CELF4: variants seen among roughly 807,000 people sequenced by gnomAD.
CELF4 encodes the protein CUG-BP- and ETR-3-like factor 4.
CELF4 carries 18 observed loss-of-function variants against 59.9 expected under a neutral mutation model. That is an observed-to-expected ratio of 0.30 (90% CI 0.21 to 0.45). The LOEUF (loss-of-function observed/expected upper bound fraction) is 0.45. Among genes scored for constraint, CELF4 ranks in the 20% least tolerant of loss-of-function variants. The pLI, the probability that CELF4 is intolerant of heterozygous loss-of-function variation, is 1.00. For missense variants in CELF4, 456 were observed against 689.0 expected, an observed-to-expected ratio of 0.66 and a Z score of 3.79; for synonymous variants, 261 against 267.1, an observed-to-expected ratio of 0.98 and a Z score of 0.22.
At chr18:37,423,285 G>A (rs2099591718) in intron 2 of CELF4, among the ~76,000 whole-genome samples, 1 of 152,194 alleles carries the variant, frequency 6.6e-6, no homozygotes, top group African/African-American at 2.4e-5. Context: ...GGCTGCCAGG[G>A]TCTTTCTCAT....
At chr18:37,303,759 T>C (rs2096229483) in intron 3 of CELF4, among the ~76,000 whole-genome samples, 2 of 152,162 alleles carry the variant, frequency 1.3e-5, no homozygotes, top group African/African-American at 4.8e-5. Context: ...CTTTGGGGGA[T>C]TCACAGGACC....
intron 2 of CELF4, among the ~76,000 whole-genome samples, chr18:37,439,867 G>A (rs901712647): frequency 1.2e-4 from 18 of 152,184 alleles, no homozygotes; most frequent in African/African-American, 3.9e-4. Flanking sequence ...ATTTATATGT[G>A]TATTAAATGA....
At chr18:37,292,028 A>G (rs1603206561) in intron 3 of CELF4, among the ~76,000 whole-genome samples, 1 of 107,570 alleles carries the variant, frequency 9.3e-6, no homozygotes, top group Admixed American at 9.5e-5. Context: ...TGAGATTAGC[A>G]CCCTTATAAA....
intron 2 of CELF4, among the ~76,000 whole-genome samples, chr18:37,350,366 A>G (rs2098414028): frequency 6.6e-6 from 1 of 152,208 alleles, no homozygotes; most frequent in African/African-American, 2.4e-5. Context: ...TTTCTGAGTA[A>G]TAGACCACGC....
At chr18:37,553,290 T>C (rs7235168) in intron 1 of CELF4, among the ~76,000 whole-genome samples, 128,448 of 152,138 alleles carry the variant, frequency 0.84, 57,492 homozygotes, top group Non-Finnish European at 0.98. Context: ...GTTGCTCTAC[T>C]GGGGCCTCAG....
chr18:37,261,511 G>A (rs2074449030), intron 10 of CELF4, among the ~76,000 whole-genome samples: 1 of 152,212 alleles, frequency 6.6e-6, no homozygotes, highest in Non-Finnish European at 1.5e-5. Flanking sequence ...AGCAGCTCTA[G>A]TCCCTTCCCC....
intron 2 of CELF4, among the ~76,000 whole-genome samples, chr18:37,470,887 T>TGTGTGTGAGA (rs1325788685): frequency 4.2e-5 from 3 of 71,926 alleles, no homozygotes; most frequent in South Asian, 5.9e-4. Flanking sequence ...TGTGTGTGTG[T>TGTGTGTGAGA]GACAGAGAGA....
intron 1 of CELF4, among the ~76,000 whole-genome samples, chr18:37,497,302 C>A (rs575324165): frequency 1.3e-5 from 2 of 152,160 alleles, no homozygotes; most frequent in East Asian, 3.9e-4. Context: ...TCATTCATTT[C>A]GCAACCATTT....
chr18:37,485,640 G>T, intron 1 of CELF4, 33 bp from the exon 2 acceptor site: 2 of 1,352,752 alleles, frequency 1.5e-6, no homozygotes, highest in Non-Finnish European at 1.9e-6. Flanking sequence ...AGAAGGGTCA[G>T]TGGGGCGCCC....
chr18:37,311,716 G>A (rs1324590928), intron 3 of CELF4, among the ~76,000 whole-genome samples: 6 of 151,304 alleles, frequency 4.0e-5, no homozygotes, highest in African/African-American at 9.7e-5. Flanking sequence ...TTGAACCCGG[G>A]AGGCGGAGGT....
intron 2 of CELF4, among the ~76,000 whole-genome samples, chr18:37,470,868 GTGTGTGTGTGT>G (rs2099819362): frequency 8.0e-6 from 1 of 125,584 alleles, no homozygotes; most frequent in African/African-American, 3.1e-5. Context: ...GTGTGTGTGT[GTGTGTGTGTGT>G]GTGTGTGTGA....
chr18:37,462,063 A>G (rs371620045), intron 2 of CELF4, among the ~76,000 whole-genome samples: 2 of 152,156 alleles, frequency 1.3e-5, no homozygotes, highest in African/African-American at 4.8e-5. Flanking sequence ...GTCTACAGCA[A>G]ATGGGTGGCA....
intron 2 of CELF4, among the ~76,000 whole-genome samples, chr18:37,406,130 C>T (rs1294195437): frequency 1.3e-5 from 2 of 151,928 alleles, no homozygotes; most frequent in African/African-American, 4.8e-5. Flanking sequence ...TGGTGCCCTG[C>T]TCCATTTTTA....
intron 2 of CELF4, among the ~76,000 whole-genome samples, chr18:37,451,750 C>T (rs1023741923): frequency 2.0e-5 from 3 of 152,196 alleles, no homozygotes; most frequent in African/African-American, 7.2e-5. Flanking sequence ...TGGGACAGCG[C>T]TGAGCGGCCC....
intron 3 of CELF4, among the ~76,000 whole-genome samples, chr18:37,277,099 C>A (rs965694899): frequency 1.3e-5 from 2 of 152,238 alleles, no homozygotes; most frequent in African/African-American, 4.8e-5. Context: ...CTGCCCTCCA[C>A]AAGCCACCTG....
chr18:37,409,106 C>T (rs1300826644), intron 2 of CELF4, among the ~76,000 whole-genome samples: 1 of 152,218 alleles, frequency 6.6e-6, no homozygotes, highest in Non-Finnish European at 1.5e-5. Context: ...GCGGAAGAAA[C>T]CCTGAGCCTG....
At chr18:37,507,505 C>T (rs915579051) in intron 1 of CELF4, among the ~76,000 whole-genome samples, 1 of 152,186 alleles carries the variant, frequency 6.6e-6, no homozygotes, top group South Asian at 2.1e-4. Flanking sequence ...TCTGTCACTT[C>T]CTTGCTTTGA....
chr18:37,315,969 C>G (rs2096855175), intron 3 of CELF4, among the ~76,000 whole-genome samples: 1 of 152,148 alleles, frequency 6.6e-6, no homozygotes, highest in Non-Finnish European at 1.5e-5. Flanking sequence ...GCCCTACAAC[C>G]TGGCTGCAGG....
At chr18:37,451,350 C>A (rs1475971141) in intron 2 of CELF4, among the ~76,000 whole-genome samples, 2 of 151,804 alleles carry the variant, frequency 1.3e-5, no homozygotes, top group African/African-American at 4.8e-5. Context: ...TTCTGTGTGT[C>A]TGTGTGTATC....
Sources: allele counts gnomAD v4.1 joint callset (sites outside exome capture counted in the v4.1 genomes callset), GRCh38; gene constraint gnomAD v4.1.1; transcripts MANE v1.5; gene names NCBI Gene and HGNC (gene_info 2026-07-23, HGNC 2026-07-21).